Variants in PRKN observed in about 807,000 individuals in gnomAD.
PRKN encodes E3 ubiquitin-protein ligase parkin.
Under a neutral mutation model 59.5 loss-of-function variants are expected in PRKN, and 56 were observed. The observed-to-expected ratio is 0.94, with a 90% CI of 0.76 to 1.18. The LOEUF (loss-of-function observed/expected upper bound fraction) is 1.18, where lower values mean the gene tolerates loss of function less well. Ranked by LOEUF, PRKN falls within the 50% of genes most tolerant of loss-of-function variation. The probability of loss-of-function intolerance (pLI) is 0.00; values close to 1 mark genes in which losing one functional copy is unlikely to be tolerated. For missense variants in PRKN, 657 were observed against 596.4 expected (o/e 1.10, Z -1.06); for synonymous variants, 250 against 222.1 (o/e 1.13, Z -1.12).
intron 4 of PRKN, among the ~76,000 whole-genome samples, chr6:162,131,727 T>C (rs534495977): frequency 6.6e-6 from 1 of 152,316 alleles, no homozygotes; most frequent in South Asian, 2.1e-4. Flanking sequence ...TTTCCAAAGA[T>C]ACTTCATATA....
intron 1 of PRKN, among the ~76,000 whole-genome samples, chr6:162,605,406 A>G (rs1021466535): frequency 6.6e-6 from 1 of 152,174 alleles, no homozygotes; most frequent in Non-Finnish European, 1.5e-5. Context: ...GTGAAATTTT[A>G]TCAATATCAA....
chr6:162,477,265 G>C (rs1179959950), intron 1 of PRKN, among the ~76,000 whole-genome samples: 1 of 152,126 alleles, frequency 6.6e-6, no homozygotes, highest in Non-Finnish European at 1.5e-5. Context: ...GTAGGTACCA[G>C]GAAATTATCA....
intron 4 of PRKN, among the ~76,000 whole-genome samples, chr6:162,089,998 A>C (rs1307217826): frequency 6.6e-6 from 1 of 152,202 alleles, no homozygotes; most frequent in Non-Finnish European, 1.5e-5. Context: ...CTATGAATAC[A>C]CTACTAAACT....
chr6:161,757,141 A>G (rs1788961058), intron 7 of PRKN, among the ~76,000 whole-genome samples: 1 of 152,236 alleles, frequency 6.6e-6, no homozygotes, highest in Non-Finnish European at 1.5e-5. Context: ...AGAAGAAAAC[A>G]TAGGGGAAAA....
chr6:161,427,170 C>T (rs538757278), intron 9 of PRKN, among the ~76,000 whole-genome samples: 1 of 152,224 alleles, frequency 6.6e-6, no homozygotes, highest in Admixed American at 6.5e-5. Context: ...TGATATGCAC[C>T]ACAACACTCA....
At chr6:161,891,253 A>C (rs1240288764) in intron 6 of PRKN, among the ~76,000 whole-genome samples, 1 of 152,172 alleles carries the variant, frequency 6.6e-6, no homozygotes, top group African/African-American at 2.4e-5. Context: ...TTTTTGGCTG[A>C]TAGGATCACA....
intron 5 of PRKN, among the ~76,000 whole-genome samples, chr6:162,021,919 T>G (rs902748234): frequency 2.6e-5 from 4 of 152,104 alleles, no homozygotes; most frequent in African/African-American, 9.7e-5. Flanking sequence ...ATCGTTTAGT[T>G]CCCACTTATA....
intron 7 of PRKN, among the ~76,000 whole-genome samples, chr6:161,716,331 G>T (rs987430282): frequency 6.6e-6 from 1 of 152,142 alleles, no homozygotes; most frequent in Admixed American, 6.6e-5. Flanking sequence ...ACATGCCACT[G>T]GCATGAAATA....
At chr6:162,192,896 T>C (rs997375905) in intron 4 of PRKN, among the ~76,000 whole-genome samples, 2 of 152,170 alleles carry the variant, frequency 1.3e-5, no homozygotes, top group African/African-American at 4.8e-5. Context: ...ACATCTGGTA[T>C]GTTCCCATCT....
chr6:161,966,768 C>T (rs933386890), intron 6 of PRKN, among the ~76,000 whole-genome samples: 1 of 152,230 alleles, frequency 6.6e-6, no homozygotes, highest in African/African-American at 2.4e-5. Flanking sequence ...CACAAAAAAC[C>T]TCAGGACATT....
chr6:162,493,456 T>C (rs1018217527), intron 1 of PRKN, among the ~76,000 whole-genome samples: 2 of 152,164 alleles, frequency 1.3e-5, no homozygotes, highest in Non-Finnish European at 2.9e-5. Flanking sequence ...CAGTACTTAA[T>C]TCCACAAATA....
chr6:161,950,025 C>A (rs1191855799), intron 6 of PRKN, among the ~76,000 whole-genome samples: 1 of 152,224 alleles, frequency 6.6e-6, no homozygotes, highest in Non-Finnish European at 1.5e-5. Context: ...CAGCATGTGC[C>A]AAGGTCCTGT....
chr6:161,913,801 G>A (rs1022962235), intron 6 of PRKN, among the ~76,000 whole-genome samples: 25 of 152,300 alleles, frequency 1.6e-4, no homozygotes, highest in African/African-American at 5.3e-4. Flanking sequence ...TAGGTGGAGC[G>A]TCTGGGAGGT....
intron 6 of PRKN, among the ~76,000 whole-genome samples, chr6:161,842,800 G>A (rs548269886): frequency 3.3e-5 from 5 of 152,094 alleles, no homozygotes; most frequent in East Asian, 3.9e-4. Flanking sequence ...TGCCCTCCTC[G>A]GCCTCCCAAA....
At chr6:161,628,376 G>T (rs1783172297) in intron 7 of PRKN, among the ~76,000 whole-genome samples, 1 of 152,172 alleles carries the variant, frequency 6.6e-6, no homozygotes, top group African/African-American at 2.4e-5. Flanking sequence ...CTGTCTTCTT[G>T]CTGTGTCTTC....
At chr6:162,204,706 G>A (rs1784860003) in intron 3 of PRKN, among the ~76,000 whole-genome samples, 2 of 117,174 alleles carry the variant, frequency 1.7e-5, no homozygotes, top group African/African-American at 2.8e-5. Context: ...ATTTTATTCA[G>A]AAGTTTTGTT....
Position 161,385,702 on chromosome 6 carries a change from T to G in PRKN, c.1167+1092A>C, listed in dbSNP as rs1786210141. Among the ~76,000 whole-genome samples the G allele has an allele frequency of 6.6e-6, 1 of 152,208 alleles. No individual in the cohort carries two copies. Among genetic ancestry groups the G allele is most frequent in the African/African-American group, 2.4e-5 (1 of 41,452 alleles). ...AGAGCCTCAGGTATACCCGCCTCCATTACAGCGGTCCTGAGGCAGGGGTCT... is the reference window on the plus strand; with the variant it reads ...AGAGCCTCAGGTATACCCGCCTCCAGTACAGCGGTCCTGAGGCAGGGGTCT... On this transcript the variant is annotated intron_variant, in intron 10 of 11. Coordinates refer to ENST00000366898, the MANE Select transcript of PRKN (RefSeq NM_004562.3). The surrounding 1 kb of genome is among the most constrained non-coding windows in gnomAD (Gnocchi z 4.9).
chr6:162,686,683 G>T (rs1358723059), intron 1 of PRKN, among the ~76,000 whole-genome samples: 1 of 152,164 alleles, frequency 6.6e-6, no homozygotes, highest in Non-Finnish European at 1.5e-5. Context: ...AAGTCAAGCT[G>T]GGTAAATCGC....
rs967962290 is a variant in PRKN, at chr6:161,538,159, C to T, written c.1083+10695G>A. 1.3e-5 allele frequency among the ~76,000 whole-genome samples: 2 copies of T among 152,100 alleles called. No homozygotes were observed. The highest frequency in any genetic ancestry group is 2.4e-5 in the African/African-American group (1 of 41,428). On this transcript the variant is annotated intron_variant, in intron 9 of 11. Transcript: ENST00000366898. This position sits in a 1 kb window ranked among gnomAD's most constrained non-coding sequence, Gnocchi z 4.2. Reference sequence around the variant, plus strand: ...CTTTTTGGAAGTGCAGCAATAGGCCCGCTTGACAAATTACCTCCTAGAGTG... The same window carrying T: ...CTTTTTGGAAGTGCAGCAATAGGCCTGCTTGACAAATTACCTCCTAGAGTG...
Sources: gnomAD v4.1 joint callset for allele counts (sites outside exome capture counted in the v4.1 genomes callset) on GRCh38, gnomAD v4.1.1 for gene constraint, Gnocchi (gnomAD v3.1) non-coding constraint, MANE v1.5 for transcripts, NCBI Gene and HGNC (gene_info 2026-07-23, HGNC 2026-07-21) for gene names.